Variants in USP15 observed in about 807,000 individuals in gnomAD.
The protein encoded by USP15 is ubiquitin specific peptidase 15, also known as ubiquitin carboxyl-terminal hydrolase 15.
Under a neutral mutation model 127.1 loss-of-function variants are expected in USP15, and 18 were observed. The ratio of observed to expected loss-of-function variants is 0.14; its 90% CI spans 0.10 to 0.21. USP15 has a LOEUF of 0.21. USP15 is among the 10% of genes least tolerant of loss of function. The probability of loss-of-function intolerance (pLI) is 1.00; values close to 1 mark genes in which losing one functional copy is unlikely to be tolerated. For missense variants in USP15, 805 were observed against 1,159.9 expected (o/e 0.69, Z 4.44); for synonymous variants, 364 against 393.7 (o/e 0.92, Z 0.89).
intron 6 of USP15, among the ~76,000 whole-genome samples, chr12:62,345,753 G>C (rs979574758): frequency 1.3e-5 from 2 of 152,118 alleles, no homozygotes; most frequent in East Asian, 1.9e-4. Context: ...GGGGTGGGGG[G>C]GCCTCACAAT....
intron 6 of USP15, among the ~76,000 whole-genome samples, chr12:62,345,607 C>G (rs2065791868): frequency 6.6e-6 from 1 of 152,184 alleles, no homozygotes; most frequent in Non-Finnish European, 1.5e-5. Context: ...TTTCGGGTAT[C>G]TTTTCAACAA....
chr12:62,361,607 A>C (rs1195164451), intron 8 of USP15, among the ~76,000 whole-genome samples: 3 of 152,008 alleles, frequency 2.0e-5, no homozygotes, highest in African/African-American at 4.8e-5. Context: ...ATCTTGTATC[A>C]ATTATTATAA....
intron 8 of USP15, among the ~76,000 whole-genome samples, chr12:62,366,585 A>T (rs1269770311): frequency 6.6e-6 from 1 of 152,222 alleles, no homozygotes; most frequent in East Asian, 1.9e-4. Flanking sequence ...TTCCAATAAT[A>T]TGTTGAATAG....
At chr12:62,385,510 T>G (rs2067119757) in intron 11 of USP15, among the ~76,000 whole-genome samples, 1 of 152,112 alleles carries the variant, frequency 6.6e-6, no homozygotes, top group South Asian at 2.1e-4. Context: ...TATGCAAATT[T>G]AAGCAATTTG....
At chr12:62,295,106 G>A (rs1352980371) in intron 2 of USP15, among the ~76,000 whole-genome samples, 2 of 152,172 alleles carry the variant, frequency 1.3e-5, no homozygotes, top group Non-Finnish European at 2.9e-5. Flanking sequence ...CCAGAAAGTA[G>A]TGAGTAGCTC....
chr12:62,326,015 A>T, intron 6 of USP15, 82 bp downstream of exon 6: 1 of 1,194,532 alleles, frequency 8.4e-7, no homozygotes. Context: ...ATGATAGAAG[A>T]ACCTAGATGT....
chr12:62,332,264 C>A (rs2065327674), intron 6 of USP15, among the ~76,000 whole-genome samples: 1 of 151,004 alleles, frequency 6.6e-6, no homozygotes, highest in Non-Finnish European at 1.5e-5. Context: ...GCATTTTTAA[C>A]ACTACTTGTT....
At chr12:62,382,612 A>C (rs530356954) in intron 9 of USP15, among the ~76,000 whole-genome samples, 1 of 152,054 alleles carries the variant, frequency 6.6e-6, no homozygotes, top group South Asian at 2.1e-4. Flanking sequence ...ATGTGTAAAT[A>C]GGTTCTTTAT....
At position 62,415,800 on chromosome 12, in the gene USP15, G is replaced by A; in HGVS notation, c.*11425G>A. The A allele has an allele frequency of 6.6e-6, 1 of 152,108 alleles. No homozygotes were observed. The highest frequency in any genetic ancestry group is 6.5e-5 in the Admixed American group (1 of 15,272). 9.4% of individuals were successfully genotyped at this position (152,108 alleles called of 1,614,324 possible). A position where few individuals can be genotyped will look rare whatever the true frequency, so the allele number is the denominator to read the frequency against. The stretch of plus-strand genomic sequence containing the variant: ...ACTTAAGCCATCCACTCCTACCACT[G>A]TAATTGAATATTACCTACCTTTCAG... On this transcript the variant is annotated 3_prime_UTR_variant, in exon 22 of 22. Transcript: ENST00000280377.
At chr12:62,357,282 A>G (rs1404898913) in intron 8 of USP15, among the ~76,000 whole-genome samples, 1 of 152,034 alleles carries the variant, frequency 6.6e-6, no homozygotes, top group Non-Finnish European at 1.5e-5. Context: ...TTGTCTGCAT[A>G]TGGTTAACTG....
chr12:62,387,342 A>T (rs960246238), intron 11 of USP15, among the ~76,000 whole-genome samples: 5 of 152,228 alleles, frequency 3.3e-5, no homozygotes, highest in Non-Finnish European at 7.3e-5. Context: ...ATTAATAATT[A>T]TACTAGGATA....
At chr12:62,336,805 C>T (rs12297474) in intron 6 of USP15, 34,216 of 152,642 alleles carry the variant, frequency 0.22, 4,169 homozygotes, top group African/African-American at 0.34. Context: ...GGTTGAAGTA[C>T]ATGAAGCAAA....
intron 1 of USP15, among the ~76,000 whole-genome samples, chr12:62,261,860 A>G (rs1335090292): frequency 6.6e-6 from 1 of 152,196 alleles, no homozygotes; most frequent in Non-Finnish European, 1.5e-5. Context: ...GCTATATACT[A>G]TGTTTGTATG....
At chr12:62,272,769 A>G (rs2063372996) in intron 1 of USP15, among the ~76,000 whole-genome samples, 1 of 152,060 alleles carries the variant, frequency 6.6e-6, no homozygotes, top group South Asian at 2.1e-4. Flanking sequence ...ACACCATAAT[A>G]CAAATTATTT....
intron 8 of USP15, among the ~76,000 whole-genome samples, chr12:62,358,573 G>A (rs1038091453): frequency 5.9e-5 from 9 of 151,918 alleles, no homozygotes; most frequent in South Asian, 4.2e-4. Context: ...AAAATTAGCC[G>A]GGCATGATGG....
intron 1 of USP15, among the ~76,000 whole-genome samples, chr12:62,276,239 G>A (rs2063486014): frequency 6.6e-6 from 1 of 152,182 alleles, no homozygotes; most frequent in Non-Finnish European, 1.5e-5. Flanking sequence ...ACAGTCAAAT[G>A]TCTTAGTATT....
At chr12:62,402,319 T>A (rs2067718494) in intron 21 of USP15, among the ~76,000 whole-genome samples, 1 of 151,616 alleles carries the variant, frequency 6.6e-6, no homozygotes, top group African/African-American at 2.4e-5. Flanking sequence ...CAGTCCAGAG[T>A]TTAAAAGATA....
At chr12:62,301,112 C>T (rs1177656106) in intron 2 of USP15, among the ~76,000 whole-genome samples, 2 of 151,990 alleles carry the variant, frequency 1.3e-5, no homozygotes, top group African/African-American at 4.8e-5. Flanking sequence ...TCAAAAAGCA[C>T]GTGCAAAAAT....
chr12:62,335,730 C>T, intron 6 of USP15: 27 of 985,468 alleles, frequency 2.7e-5, no homozygotes, highest in African/African-American at 5.2e-5. Context: ...TTGACAGCCA[C>T]CTACATTTAA....
Sources: gnomAD v4.1 joint callset for allele counts (sites outside exome capture counted in the v4.1 genomes callset) on GRCh38, gnomAD v4.1.1 for gene constraint, MANE v1.5 for transcripts, NCBI Gene and HGNC (gene_info 2026-07-23, HGNC 2026-07-21) for gene names.